The following FGF18 variants were observed in gnomAD, a reference collection of about 807,000 sequenced individuals.
FGF18 encodes the protein fibroblast growth factor 18.
FGF18 carries 5 observed loss-of-function variants against 23.0 expected under a neutral mutation model. The observed-to-expected ratio is 0.22, with a 90% CI of 0.11 to 0.46. FGF18 has a LOEUF of 0.46. Ranked by LOEUF, FGF18 falls within the 20% of genes least tolerant of loss-of-function variation. FGF18 has a pLI of 0.99. For missense variants in FGF18, 180 were observed against 291.6 expected, an observed-to-expected ratio of 0.62 and a Z score of 2.79; for synonymous variants, 117 against 118.9, an observed-to-expected ratio of 0.98 and a Z score of 0.10.
At chr5:171,447,141 T>G (rs1199785378) in intron 3 of FGF18, among the ~76,000 whole-genome samples, 2 of 152,170 alleles carry the variant, frequency 1.3e-5, no homozygotes, top group Non-Finnish European at 2.9e-5. Flanking sequence ...CTATTGAAGA[T>G]TATACCCCCA....
intron 2 of FGF18, among the ~76,000 whole-genome samples, chr5:171,423,517 G>T (rs1772050825): frequency 6.6e-6 from 1 of 152,142 alleles, no homozygotes. Flanking sequence ...CGGGGTGGGG[G>T]GGCATCCCCT....
At chr5:171,427,985 G>A (rs1289168449) in intron 2 of FGF18, among the ~76,000 whole-genome samples, 1 of 152,212 alleles carries the variant, frequency 6.6e-6, no homozygotes, top group East Asian at 1.9e-4. Flanking sequence ...CATCAGGACA[G>A]AACCTCCCTC....
At chr5:171,427,803 C>T (rs777822710) in intron 2 of FGF18, among the ~76,000 whole-genome samples, 2 of 152,210 alleles carry the variant, frequency 1.3e-5, no homozygotes, top group Non-Finnish European at 2.9e-5. Context: ...CTGTTTCCCC[C>T]GATCCCCATC....
At chr5:171,426,471 A>G (rs1366709608) in intron 2 of FGF18, among the ~76,000 whole-genome samples, 1 of 152,224 alleles carries the variant, frequency 6.6e-6, no homozygotes, top group African/African-American at 2.4e-5. Flanking sequence ...TGCTGTCAGC[A>G]CTGTGGGCCT....
At position 171,456,378 on chromosome 5, in the gene FGF18, A is replaced by G. The variant is rs1229447881; in HGVS notation, c.358-161A>G. Among the ~76,000 whole-genome samples the G allele has an allele frequency of 2.0e-5, 3 of 152,138 alleles. No homozygotes were observed. The highest frequency in any genetic ancestry group is 4.4e-5 in the Non-Finnish European group (3 of 68,040). ...CTATAAACCCCCACCTGCCTGTGCC[A>G]TATTCAGAGTTAAGCTCAATCTCTC... On this transcript the variant is annotated intron_variant, in intron 4 of 4. Transcript: ENST00000274625. The surrounding 1 kb of genome is among the most constrained non-coding windows in gnomAD (Gnocchi z 6.1).
intron 2 of FGF18, among the ~76,000 whole-genome samples, chr5:171,431,973 G>A (rs985372223): frequency 5.3e-5 from 8 of 152,166 alleles, no homozygotes; most frequent in East Asian, 1.9e-4. Context: ...CACTTGAACC[G>A]GGGAGGCGGA....
intron 2 of FGF18, among the ~76,000 whole-genome samples, chr5:171,422,826 T>C (rs944674072): frequency 6.6e-6 from 1 of 152,152 alleles, no homozygotes; most frequent in East Asian, 1.9e-4. Context: ...TGCAATCCAG[T>C]GGCCTAGGCC....
intron 2 of FGF18, among the ~76,000 whole-genome samples, chr5:171,435,076 G>A (rs1772227071): frequency 6.6e-6 from 1 of 152,212 alleles, no homozygotes; most frequent in African/African-American, 2.4e-5. Context: ...TGGGGCAGGA[G>A]TGTGTTTTGA....
At chr5:171,430,585 G>A (rs1168367508) in intron 2 of FGF18, among the ~76,000 whole-genome samples, 11 of 142,316 alleles carry the variant, frequency 7.7e-5, no homozygotes, top group East Asian at 4.0e-4. Flanking sequence ...TCAGGAGATC[G>A]AGACCATCCT....
intron 4 of FGF18, 122 bp downstream of exon 4, chr5:171,449,375 G>A (rs1772461046): frequency 2.1e-6 from 1 of 469,676 alleles, no homozygotes; most frequent in African/African-American, 2.4e-5. Flanking sequence ...GTGTGTGTGT[G>A]TGTGTGTGTG....
At chr5:171,439,275 G>A (rs1434710839) in intron 3 of FGF18, among the ~76,000 whole-genome samples, 1 of 152,188 alleles carries the variant, frequency 6.6e-6, no homozygotes, top group African/African-American at 2.4e-5. Flanking sequence ...TCTCCCGGTG[G>A]CCCTCTAAAG....
intron 2 of FGF18, among the ~76,000 whole-genome samples, chr5:171,429,292 G>A (rs1409040077): frequency 1.3e-5 from 2 of 152,222 alleles, no homozygotes; most frequent in Non-Finnish European, 2.9e-5. Flanking sequence ...GCCTCTCTGT[G>A]TCTTCCTTTG....
intron 2 of FGF18, among the ~76,000 whole-genome samples, chr5:171,420,759 C>T (rs1771993234): frequency 6.6e-6 from 1 of 152,238 alleles, no homozygotes. Flanking sequence ...GACCCCTGCC[C>T]GCAGCCAGCG....
At chr5:171,452,410 T>C (rs908625006) in intron 4 of FGF18, among the ~76,000 whole-genome samples, 7 of 152,186 alleles carry the variant, frequency 4.6e-5, no homozygotes, top group Non-Finnish European at 1.0e-4. Flanking sequence ...GGTACCTGCA[T>C]TGAGCCCTTG....
chr5:171,428,602 G>T (rs1056156775), intron 2 of FGF18, among the ~76,000 whole-genome samples: 2 of 152,226 alleles, frequency 1.3e-5, no homozygotes, highest in African/African-American at 4.8e-5. Context: ...CTGGAAGCAG[G>T]GATCAGCCTG....
At chr5:171,422,349 C>G (rs1299619796) in intron 2 of FGF18, among the ~76,000 whole-genome samples, 1 of 152,090 alleles carries the variant, frequency 6.6e-6, no homozygotes, top group African/African-American at 2.4e-5. Flanking sequence ...CCACCTTCCC[C>G]CTTGTCCCCA....
chr5:171,445,501 G>A (rs1313619185), intron 3 of FGF18, among the ~76,000 whole-genome samples: 1 of 151,552 alleles, frequency 6.6e-6, no homozygotes, highest in Non-Finnish European at 1.5e-5. Flanking sequence ...TGGGACTACA[G>A]GTGTGCGCCA....
Position 171,436,571 on chromosome 5 carries a change from G to A in FGF18, c.250+298G>A, listed in dbSNP as rs762988976. On this transcript the variant is annotated intron_variant, in intron 3 of 4. Transcript: ENST00000274625. The surrounding 1 kb of genome is among the most constrained non-coding windows in gnomAD (Gnocchi z 4.4). ...GCTTGCCTGGGATGGCCTAAAGCAG[G>A]TGGCTGTTCCCATGCCACCACTCAC... 6.6e-6 allele frequency among the ~76,000 whole-genome samples: 1 copy of A among 152,214 alleles called. No individual in the cohort carries two copies. The highest frequency in any genetic ancestry group is 1.5e-5 in the Non-Finnish European group (1 of 68,044).
intron 4 of FGF18, among the ~76,000 whole-genome samples, chr5:171,452,970 A>G (rs1257309683): frequency 6.6e-6 from 1 of 152,264 alleles, no homozygotes; most frequent in South Asian, 2.1e-4. Flanking sequence ...CTTCAGATCA[A>G]ATGGAAGGAC....
Sources: gnomAD v4.1 joint callset for allele counts (sites outside exome capture counted in the v4.1 genomes callset) on GRCh38, gnomAD v4.1.1 for gene constraint, Gnocchi (gnomAD v3.1) non-coding constraint, MANE v1.5 for transcripts, NCBI Gene and HGNC (gene_info 2026-07-23, HGNC 2026-07-21) for gene names.